The following POTEJ variants were observed in gnomAD, a reference collection of about 807,000 sequenced individuals.
POTEJ encodes the protein POTE ankyrin domain family member J.
POTEJ carries 11 observed loss-of-function variants against 69.0 expected under a neutral mutation model. The observed-to-expected ratio is 0.16, with a 90% CI of 0.10 to 0.26. POTEJ has a LOEUF of 0.26. POTEJ is among the 10% of genes least tolerant of loss of function. The pLI is 1.00. For synonymous variants in POTEJ, 117 were observed against 381.1 expected, an observed-to-expected ratio of 0.31 and a Z score of 8.07; for missense variants, 327 against 1,045.5, an observed-to-expected ratio of 0.31 and a Z score of 9.48.
At chr2:130,646,988 G>A (rs1318260856) in intron 13 of POTEJ, among the ~76,000 whole-genome samples, 2 of 149,598 alleles carry the variant, frequency 1.3e-5, no homozygotes, top group Non-Finnish European at 2.9e-5. Flanking sequence ...TACATGTAAA[G>A]GATATTTGTA....
rs767608321 is a variant in POTEJ, at chr2:130,657,524, G to T, written c.2764G>T (p.Glu922Ter). ...CAGCAACGAGTGGTTCCGCTGCCCC[G>T]AGGCGCTCTTCCAGCCTTGCTTCCT... The part of the protein sequence containing the change: ...TISNEWFRCP[E>*]ALFQPCFLGM... The change falls in exon 15 of 15, where the codon GAG becomes TAG. Residue 922 changes from glutamate to a stop codon, truncating the protein, a stop_gained. Transcript: ENST00000409602. LOFTEE classifies it high-confidence loss of function. The T allele has an allele frequency of 7.0e-6, 11 of 1,566,520 alleles. No homozygotes were observed. Among genetic ancestry groups the T allele is most frequent in the Non-Finnish European group, 7.0e-6 (8 of 1,148,792 alleles).
intron 9 of POTEJ, among the ~76,000 whole-genome samples, chr2:130,636,594 A>C (rs1686101508): frequency 6.8e-6 from 1 of 147,346 alleles, no homozygotes. Flanking sequence ...TTCTCCTCTA[A>C]CATACCGTAT....
chr2:130,637,347 C>T (rs1367397128), intron 9 of POTEJ, among the ~76,000 whole-genome samples: 9 of 151,330 alleles, frequency 5.9e-5, no homozygotes, highest in East Asian at 3.9e-4. Context: ...GATGGAGTCT[C>T]GCTGTATCGC....
At chr2:130,624,023 T>C in intron 5 of POTEJ, 41 bp from the exon 6 acceptor site, 1 of 1,482,086 alleles carries the variant, frequency 6.7e-7, no homozygotes, top group Non-Finnish European at 9.1e-7. Context: ...TTTATATCAG[T>C]ATTAAAATAG....
intron 13 of POTEJ, among the ~76,000 whole-genome samples, chr2:130,650,893 A>G (rs1326891703): frequency 0.014 from 423 of 29,812 alleles, no homozygotes; most frequent in African/African-American, 0.057. Context: ...CGATTCTCCT[A>G]CCTCAGCCCC....
intron 10 of POTEJ, among the ~76,000 whole-genome samples, chr2:130,639,383 T>G (rs1161893889): frequency 6.6e-6 from 1 of 152,310 alleles, no homozygotes; most frequent in South Asian, 2.1e-4. Context: ...TTCCTCCTGT[T>G]TTGAAGTTGA....
chr2:130,624,764 A>G (rs1390868904), intron 6 of POTEJ, among the ~76,000 whole-genome samples: 3 of 152,034 alleles, frequency 2.0e-5, no homozygotes. Context: ...CTGAAGCACA[A>G]GTCATGTTAC....
At chr2:130,637,654 G>A (rs1686152738) in intron 9 of POTEJ, among the ~76,000 whole-genome samples, 1 of 152,280 alleles carries the variant, frequency 6.6e-6, no homozygotes, top group Admixed American at 6.5e-5. Context: ...AATAACGTGT[G>A]GGGTGTTGTG....
At chr2:130,639,072 C>T (rs1226204726) in intron 10 of POTEJ, among the ~76,000 whole-genome samples, 5 of 152,306 alleles carry the variant, frequency 3.3e-5, no homozygotes, top group African/African-American at 9.6e-5. Flanking sequence ...GTATCTAATG[C>T]TATCACTGAT....
chr2:130,637,782 A>T lies in POTEJ; in HGVS notation c.1299-837A>T, dbSNP rs1409080778. ...TTTTCATCTCCCATGTCAGCTGGAG[A>T]TGAACATGTATATAAAGCATCATCG... On this transcript the variant is annotated intron_variant, in intron 9 of 14. Transcript: ENST00000409602. Among the ~76,000 whole-genome samples the T allele has an allele frequency of 2.0e-5, 3 of 152,180 alleles. No individual in the cohort carries two copies. The East Asian group carries it at 5.8e-4, about 29-fold the overall frequency.
At chr2:130,646,936 G>A (rs1247837253) in intron 13 of POTEJ, among the ~76,000 whole-genome samples, 6 of 148,244 alleles carry the variant, frequency 4.0e-5, no homozygotes, top group Non-Finnish European at 7.4e-5. Flanking sequence ...TAATTGAGTA[G>A]CATATTCACA....
chr2:130,649,387 C>G (rs1207070325), intron 13 of POTEJ, among the ~76,000 whole-genome samples: 1 of 152,260 alleles, frequency 6.6e-6, no homozygotes, highest in Non-Finnish European at 1.5e-5. Flanking sequence ...TGACACTTCA[C>G]ATCTAATCTC....
intron 10 of POTEJ, among the ~76,000 whole-genome samples, chr2:130,638,894 AT>A (rs1686215073): frequency 1.3e-5 from 2 of 152,282 alleles, no homozygotes; most frequent in Admixed American, 6.5e-5. Flanking sequence ...ACAACTTACC[AT>A]AATGTAGAAT....
intron 6 of POTEJ, among the ~76,000 whole-genome samples, chr2:130,625,280 C>T (rs1685661499): frequency 6.6e-6 from 1 of 152,118 alleles, no homozygotes. Flanking sequence ...TATGTTTTCA[C>T]TTGTCCACTT....
chr2:130,614,590 C>T (rs1348327619), intron 1 of POTEJ, among the ~76,000 whole-genome samples: 9 of 148,184 alleles, frequency 6.1e-5, no homozygotes, highest in African/African-American at 2.1e-4. Flanking sequence ...AGAATCTGCT[C>T]GTGTTAGCTG....
intron 10 of POTEJ, among the ~76,000 whole-genome samples, chr2:130,641,040 T>A (rs1212468330): frequency 6.6e-6 from 1 of 152,048 alleles, no homozygotes; most frequent in Non-Finnish European, 1.5e-5. Flanking sequence ...GACTATGTGG[T>A]CTCTGTCATA....
At chr2:130,644,586 A>G (rs1205597947) in intron 11 of POTEJ, among the ~76,000 whole-genome samples, 1 of 152,182 alleles carries the variant, frequency 6.6e-6, no homozygotes, top group Non-Finnish European at 1.5e-5. Flanking sequence ...TAACTTCAAC[A>G]TAACCCACTA....
At chr2:130,612,762 C>CAAAA (rs1320771385) in intron 1 of POTEJ, among the ~76,000 whole-genome samples, 2 of 55,806 alleles carry the variant, frequency 3.6e-5, no homozygotes, top group Non-Finnish European at 7.7e-5. Context: ...GATTCCGTCT[C>CAAAA]AAAAAAAAAA....
At chr2:130,631,805 C>G (rs1465909171) in intron 8 of POTEJ, among the ~76,000 whole-genome samples, 1 of 142,592 alleles carries the variant, frequency 7.0e-6, no homozygotes, top group African/African-American at 2.8e-5. Flanking sequence ...TATCTTCCAG[C>G]TAGATAATTG....
Sources: allele counts gnomAD v4.1 joint callset (sites outside exome capture counted in the v4.1 genomes callset), GRCh38; gene constraint gnomAD v4.1.1; transcripts MANE v1.5; gene names NCBI Gene and HGNC (gene_info 2026-07-23, HGNC 2026-07-21).